Variants in CBX7 observed in about 807,000 individuals in gnomAD.
CBX7 encodes the protein chromobox protein homolog 7.
A neutral mutation model predicts 31.4 loss-of-function variants in CBX7; 14 were observed. The ratio of observed to expected loss-of-function variants is 0.45; its 90% CI spans 0.29 to 0.70. CBX7 has a LOEUF of 0.70. Ranked by LOEUF, CBX7 falls within the 30% of genes least tolerant of loss-of-function variation. CBX7 has a pLI of 0.11. For missense variants in CBX7, 269 were observed against 351.9 expected (o/e 0.76, Z 1.89); for synonymous variants, 159 against 152.6 (o/e 1.04, Z -0.31).
chr22:39,151,118 C>T (rs1279704515), intron 1 of CBX7, among the ~76,000 whole-genome samples: 1 of 152,224 alleles, frequency 6.6e-6, no homozygotes, highest in Non-Finnish European at 1.5e-5. Flanking sequence ...TCTTGTGCTA[C>T]CCTGCGGGCT....
intron 4 of CBX7, among the ~76,000 whole-genome samples, chr22:39,137,575 C>G (rs1214239403): frequency 6.6e-6 from 1 of 152,132 alleles, no homozygotes; most frequent in Non-Finnish European, 1.5e-5. Context: ...TTTTGAACTT[C>G]TGACCTCAGG....
chr22:39,137,863 C>T (rs1021155887), intron 4 of CBX7, among the ~76,000 whole-genome samples: 29 of 152,090 alleles, frequency 1.9e-4, no homozygotes, highest in Non-Finnish European at 3.2e-4. Context: ...TCTGACATTC[C>T]AAGGCTGTAG....
chr22:39,133,786 A>G lies in CBX7; in HGVS notation c.*105T>C. The G allele has an allele frequency of 2.6e-6, 3 of 1,137,562 alleles. No individual in the cohort carries two copies. The highest frequency in any genetic ancestry group is 2.9e-5 in the East Asian group (1 of 34,710). The allele number at this position is 1,137,562 out of a possible 1,614,324, so 70.5% of individuals were successfully genotyped here. A position where few individuals can be genotyped will look rare whatever the true frequency, so the allele number is the denominator to read the frequency against. ...ATCTTCTCCCCTTTTGCTGCTCGGT[A>G]TTTTTTTAAATAAAATAATTACCCC... On this transcript the variant is annotated 3_prime_UTR_variant, in exon 6 of 6. Coordinates refer to ENST00000216133, the MANE Select transcript of CBX7 (RefSeq NM_175709.5).
chr22:39,149,137 C>A (rs1930764552), intron 2 of CBX7: 1 of 152,334 alleles, frequency 6.6e-6, no homozygotes, highest in African/African-American at 2.4e-5. Context: ...CAGCTCCCTG[C>A]CTCCCAACTC....
chr22:39,140,080 C>A (rs1478467920), intron 3 of CBX7, among the ~76,000 whole-genome samples: 1 of 152,248 alleles, frequency 6.6e-6, no homozygotes, highest in Non-Finnish European at 1.5e-5. Context: ...TCCATCCACA[C>A]TCTCTGCAGC....
rs529453932 is a variant in CBX7, at chr22:39,144,509, G to A, written c.114-3073C>T. Reference sequence around the variant, plus strand: ...GCGCAGAGCCACCGCAAAGTGGCCCGCTCAGGCCCGCCCGGGGCTCTGGGA... The same window carrying A: ...GCGCAGAGCCACCGCAAAGTGGCCCACTCAGGCCCGCCCGGGGCTCTGGGA... On this transcript the variant is annotated intron_variant, in intron 2 of 5. Coordinates refer to ENST00000216133, the MANE Select transcript of CBX7 (RefSeq NM_175709.5). 1.3e-4 allele frequency among the ~76,000 whole-genome samples: 20 copies of A among 152,314 alleles called. No individual in the cohort carries two copies. In the South Asian group the frequency reaches 4.1e-3, roughly 32 times the overall value.
At chr22:39,135,061 A>G (rs1023610356) in intron 4 of CBX7, 2 of 362,186 alleles carry the variant, frequency 5.5e-6, no homozygotes, top group Admixed American at 8.4e-5. Context: ...GCCAAGAGAA[A>G]CAAATCTGGA....
intron 2 of CBX7, chr22:39,149,278 A>C (rs1438100712): frequency 6.5e-6 from 1 of 154,806 alleles, no homozygotes; most frequent in Non-Finnish European, 1.4e-5. Context: ...CTGTTTCCTC[A>C]CCTTGAGAGC....
Position 39,134,447 on chromosome 22 carries a change from C to T in CBX7, c.552G>A (p.Gln184=). Residue 184 remains glutamine, a synonymous_variant, in exon 5 of 6, where the codon CAG becomes CAA. Transcript: ENST00000216133. The part of the protein sequence containing the change: ...LQEPPAPDVL[Q]AAGEWEPAAQ... ...CAGCAGGCTCCCACTCGCCAGCCGCCTGCAGGACGTCTGGGGCCGGTGGCT... is the reference window on the plus strand; with the variant it reads ...CAGCAGGCTCCCACTCGCCAGCCGCTTGCAGGACGTCTGGGGCCGGTGGCT... 1 of 1,606,024 alleles carries T rather than the reference C, an allele frequency of 6.2e-7. No homozygotes were observed. The highest frequency in any genetic ancestry group is 1.1e-5 in the South Asian group (1 of 91,022).
At chr22:39,149,653 A>C in intron 2 of CBX7, 136 bp downstream of exon 2, 1 of 760,380 alleles carries the variant, frequency 1.3e-6, no homozygotes, top group Non-Finnish European at 2.3e-6. Context: ...GAAGATGATG[A>C]TTAAATCAAG....
In CBX7 at chr22:39,133,954, G is replaced by T; in HGVS notation, c.693C>A (p.Thr231=). 1 of 1,613,944 alleles carries T rather than the reference G, an allele frequency of 6.2e-7. No individual in the cohort carries two copies. The highest frequency in any genetic ancestry group is 1.1e-5 in the South Asian group (1 of 91,058). Residue 231 remains threonine (T), a synonymous_variant, in exon 6 of 6, where the codon ACC becomes ACA. Coordinates refer to ENST00000216133, the MANE Select transcript of CBX7 (RefSeq NM_175709.5). ...CTGCCTGGGCCTCGCGGAAGGTGAC[G>T]GTGATGGAGTTGGCGGTGATGTCGG... ...TVTDITANSI[T]VTFREAQAAE...
chr22:39,145,319 G>T (rs1023749298), intron 2 of CBX7, among the ~76,000 whole-genome samples: 3 of 152,162 alleles, frequency 2.0e-5, no homozygotes, highest in African/African-American at 7.2e-5. Context: ...GAGCCCAGAG[G>T]CGCCAAGGGG....
At position 39,134,540 on chromosome 22, in the gene CBX7, G is replaced by A; in HGVS notation, c.459C>T (p.Arg153=). Residue 153 remains arginine, a synonymous_variant, in exon 5 of 6, where the codon CGC becomes CGT. Transcript: ENST00000216133. ...TGGGCCCGCGGGGCGGGAACTTCTT[G>A]CGCGAGAGCCGCAGGTACTTGTGGG... The part of the protein sequence containing the change: ...RKAHKYLRLS[R]KKFPPRGPNL... 6.2e-7 allele frequency: 1 copy of A among 1,610,742 alleles called. No homozygotes were observed. The highest frequency in any genetic ancestry group is 8.5e-7 in the Non-Finnish European group (1 of 1,179,044).
intron 2 of CBX7, among the ~76,000 whole-genome samples, chr22:39,143,203 G>A (rs754644561): frequency 6.6e-6 from 1 of 151,780 alleles, no homozygotes; most frequent in Non-Finnish European, 1.5e-5. Context: ...GCAGTGAGCC[G>A]AGATCGTACC....
chr22:39,143,945 A>C (rs1442869068), intron 2 of CBX7, among the ~76,000 whole-genome samples: 1 of 152,224 alleles, frequency 6.6e-6, no homozygotes, highest in Non-Finnish European at 1.5e-5. Flanking sequence ...ACTGTGTATA[A>C]AACATACAGA....
chr22:39,141,313 C>T, intron 3 of CBX7, 58 bp downstream of exon 3: 1 of 1,476,314 alleles, frequency 6.8e-7, no homozygotes, highest in Non-Finnish European at 9.3e-7. Context: ...GCAGCAGGCT[C>T]CTGGGAAGCC....
At chr22:39,150,402 G>C (rs1173719237) in intron 1 of CBX7, among the ~76,000 whole-genome samples, 4 of 152,180 alleles carry the variant, frequency 2.6e-5, no homozygotes, top group Admixed American at 6.5e-5. Context: ...GACTGGCAAA[G>C]TCTCCACCTT....
At position 39,152,666 on chromosome 22, in the gene CBX7, G is replaced by GAGCC. The variant is rs2146378451; in HGVS notation, c.-223_-222insGGCT. 1 of 149,570 alleles carries GAGCC rather than the reference G, an allele frequency of 6.7e-6. No individual in the cohort carries two copies. The highest frequency in any genetic ancestry group is 2.4e-5 in the African/African-American group (1 of 41,218). 9.3% of individuals were successfully genotyped at this position (149,570 alleles called of 1,614,324 possible). On this transcript the variant is annotated 5_prime_UTR_variant, in exon 1 of 6. Transcript: ENST00000216133. This position sits in a 1 kb window ranked among gnomAD's most constrained non-coding sequence, Gnocchi z 4.9. Reference sequence around the variant, plus strand: ...TTTTCCTCGGCGCCAGCGAGCGAGCGCGCGCAAGGAGGGGGCGGGGCGGGA... The same window carrying GAGCC: ...TTTTCCTCGGCGCCAGCGAGCGAGCGAGCCCGCGCAAGGAGGGGGCGGGGCGGGA...
Position 39,133,801 on chromosome 22 carries a change from AT to A in CBX7, c.*89del. On this transcript the variant is annotated 3_prime_UTR_variant, in exon 6 of 6. Coordinates refer to ENST00000216133, the MANE Select transcript of CBX7 (RefSeq NM_175709.5). Reference sequence around the variant, plus strand: ...GCTGCTCGGTATTTTTTTAAATAAAATAATTACCCCGCCCCCAACCCATCCC... The same window carrying A: ...GCTGCTCGGTATTTTTTTAAATAAAAAATTACCCCGCCCCCAACCCATCCC... 3 of 1,246,302 alleles carry A rather than the reference AT, an allele frequency of 2.4e-6. No individual in the cohort carries two copies. The highest frequency in any genetic ancestry group is 3.2e-6 in the Non-Finnish European group (3 of 928,870). The allele number at this position is 1,246,302 out of a possible 1,614,324, so 77.2% of individuals were successfully genotyped here. A position where few individuals can be genotyped will look rare whatever the true frequency, so the allele number is the denominator to read the frequency against.
Sources: allele counts gnomAD v4.1 joint callset (sites outside exome capture counted in the v4.1 genomes callset), GRCh38; gene constraint gnomAD v4.1.1; non-coding constraint Gnocchi (gnomAD v3.1); transcripts MANE v1.5; gene names NCBI Gene and HGNC (gene_info 2026-07-23, HGNC 2026-07-21).